The following LTA4H variants were observed in gnomAD, a reference collection of about 807,000 sequenced individuals.
LTA4H encodes leukotriene A-4 hydrolase.
Under a neutral mutation model 89.8 loss-of-function variants are expected in LTA4H, and 59 were observed. That is an observed-to-expected ratio of 0.66 (90% CI 0.53 to 0.82). The LOEUF (loss-of-function observed/expected upper bound fraction) is 0.82. LTA4H is among the 40% of genes least tolerant of loss of function. The probability of loss-of-function intolerance (pLI) is 0.00; values close to 1 mark genes in which losing one functional copy is unlikely to be tolerated. For missense variants in LTA4H, 617 were observed against 727.0 expected (o/e 0.85, Z 1.74); for synonymous variants, 227 against 253.1 (o/e 0.90, Z 0.98).
intron 5 of LTA4H, among the ~76,000 whole-genome samples, 154 bp from the exon 6 acceptor site, chr12:96,021,291 C>T (rs184785272): frequency 2.4e-4 from 37 of 152,266 alleles, no homozygotes; most frequent in Admixed American, 2.2e-3. Context: ...TCAAATAGTT[C>T]TCATCTTTAA....
At chr12:96,017,023 A>G in intron 10 of LTA4H, 21 bp downstream of exon 10, 1 of 1,559,128 alleles carries the variant, frequency 6.4e-7, no homozygotes, top group Non-Finnish European at 8.8e-7. Flanking sequence ...ACCAATAAAG[A>G]AATAATAACA....
At chr12:96,017,445 C>G (rs188781346) in intron 9 of LTA4H, 112 bp downstream of exon 9, 1 of 893,186 alleles carries the variant, frequency 1.1e-6, no homozygotes, top group Admixed American at 2.6e-5. Context: ...AGAAGAGTCC[C>G]CAAATTGTCC....
chr12:96,018,794 G>A lies in LTA4H; in HGVS notation c.821C>T (p.Pro274Leu), dbSNP rs1432010393. The A allele has an allele frequency of 1.9e-6, 3 of 1,592,456 alleles. No homozygotes were observed. Among genetic ancestry groups the A allele is most frequent in the Non-Finnish European group, 2.6e-6 (3 of 1,172,790 alleles). The change falls in exon 8 of 19, where the codon CCT (proline) becomes CTT (leucine). Residue 274 changes from proline to leucine, a missense_variant. By Grantham distance (98) the Pro-to-Leu change is moderately conservative. Coordinates refer to ENST00000228740, the MANE Select transcript of LTA4H (RefSeq NM_000895.3). ...AGTAGGAGTTACAAAAGTAAGGCAA[G>A]GATTCTCCATGCCACCATAAGGGAA... Reference protein sequence around the residue: ...PSFPYGGMENPCLTFVTPTLL... With the variant: ...PSFPYGGMENLCLTFVTPTLL...
At chr12:96,042,554 G>A (rs181011417) in intron 1 of LTA4H, among the ~76,000 whole-genome samples, 1 of 152,240 alleles carries the variant, frequency 6.6e-6, no homozygotes, top group Admixed American at 6.5e-5. Context: ...ATTTACTGAC[G>A]CTCCACAGGA....
Position 96,003,892 on chromosome 12 carries a change from C to T in LTA4H, c.1559G>A (p.Arg520Gln), listed in dbSNP as rs372873763. ...RAPLPLGHIK[R>Q]MQEVYNFNAI... ...ATTGAAGTTGTACACCTCTTGCATT[C>T]GCTTTATGTGCCCCAATGGAAGAGG... Residue 520 changes from arginine to glutamine, a missense_variant, in exon 17 of 19, where the codon CGA (arginine) becomes CAA (glutamine). Arg to Gln is a conservative substitution (Grantham distance 43). Around this residue, in one of 3 missense-constraint regions of LTA4H, gnomAD observed 290 missense variants for 339.1 expected, o/e 0.86. Transcript: ENST00000228740. 10 of 1,608,910 alleles carry T rather than the reference C, an allele frequency of 6.2e-6. No homozygotes were observed. The highest frequency in any genetic ancestry group is 2.2e-5 in the South Asian group (2 of 90,314).
intron 3 of LTA4H, among the ~76,000 whole-genome samples, chr12:96,026,780 T>C (rs1950517955): frequency 1.3e-5 from 2 of 152,258 alleles, no homozygotes; most frequent in South Asian, 4.1e-4. Context: ...GTTCCCTTAA[T>C]TGTAAATTAT....
intron 10 of LTA4H, 98 bp downstream of exon 10, chr12:96,016,946 A>G: frequency 1.2e-6 from 1 of 830,204 alleles, no homozygotes. Flanking sequence ...TAACAAAGAA[A>G]AACAAGAGAT....
chr12:96,014,832 A>G (rs1950352132), intron 12 of LTA4H, 23 bp downstream of exon 12: 1 of 1,580,664 alleles, frequency 6.3e-7, no homozygotes, highest in Non-Finnish European at 8.5e-7. Context: ...GAAAAAAAAA[A>G]TCATAAAATA....
chr12:96,027,075 T>A (rs2136910717), intron 3 of LTA4H, among the ~76,000 whole-genome samples: 1 of 152,332 alleles, frequency 6.6e-6, no homozygotes, highest in Non-Finnish European at 1.5e-5. Flanking sequence ...AATCTTTCAC[T>A]TTCCATTTCT....
At chr12:96,004,014 T>A (rs1950153393) in intron 16 of LTA4H, 94 bp from the exon 17 acceptor site, 3 of 556,732 alleles carry the variant, frequency 5.4e-6, no homozygotes, top group Non-Finnish European at 9.3e-6. Flanking sequence ...ATTAAAATCC[T>A]AAATATTTTA....
At chr12:96,007,503 C>T (rs1950221737) in intron 15 of LTA4H, among the ~76,000 whole-genome samples, 1 of 152,144 alleles carries the variant, frequency 6.6e-6, no homozygotes, top group Non-Finnish European at 1.5e-5. Context: ...ACTTCTTATG[C>T]TAGTGGTGGG....
intron 12 of LTA4H, 74 bp downstream of exon 12, chr12:96,014,781 T>C (rs1396565032): frequency 5.9e-6 from 8 of 1,366,820 alleles, no homozygotes; most frequent in Non-Finnish European, 8.0e-6. Flanking sequence ...AACAAAACAA[T>C]AGTTTACAAT....
chr12:96,013,307 C>CA (rs763022744), intron 13 of LTA4H, 49 bp from the exon 14 acceptor site: 300 of 1,300,256 alleles, frequency 2.3e-4, no homozygotes, highest in Non-Finnish European at 2.7e-4. Context: ...CCTTTCCTGT[C>CA]AAAAAAAAAT....
In LTA4H at chr12:96,006,316, T is replaced by G; in HGVS notation, c.1528A>C (p.Arg510=). 6.2e-7 allele frequency: 1 copy of G among 1,600,016 alleles called. No homozygotes were observed. The highest frequency in any genetic ancestry group is 8.5e-7 in the Non-Finnish European group (1 of 1,169,596). Residue 510 remains arginine (R), a splice_region_variant and synonymous_variant, in exon 16 of 19, where the codon AGG becomes CGG. Transcript: ENST00000228740. ...LNEFLAQTLQ[R]APLPLGHIKR... ...TAAGATTTTGAGCTAGTACTTACCC[T>G]CTGGAGCGTCTGTGCTAAAAACTCA...
intron 1 of LTA4H, among the ~76,000 whole-genome samples, chr12:96,041,594 C>A (rs1264583338): frequency 6.6e-6 from 1 of 151,958 alleles, no homozygotes; most frequent in Admixed American, 6.5e-5. Context: ...TCCCCCTTTA[C>A]ACCAAGTTAA....
Position 96,035,466 on chromosome 12 carries a change from C to A in LTA4H, c.54G>T (p.Arg18=). 6.2e-7 allele frequency: 1 copy of A among 1,609,292 alleles called. No individual in the cohort carries two copies. ...CSLASPASVC[R]TKHLHLRCSV... The stretch of plus-strand genomic sequence containing the variant: ...TGCAGCGCAGGTGCAGGTGCTTGGT[C>A]CGGCAGACGGAAGCCGGAGAGGCCA... Residue 18 remains arginine (R), a synonymous_variant, in exon 1 of 19, where the codon CGG becomes CGT. Transcript: ENST00000228740.
Position 96,022,365 on chromosome 12 carries a change from T to C in LTA4H, c.481-114A>G. On this transcript the variant is annotated intron_variant, in intron 4 of 18. Coordinates refer to ENST00000228740, the MANE Select transcript of LTA4H (RefSeq NM_000895.3). The surrounding 1 kb of genome is among the most constrained non-coding windows in gnomAD (Gnocchi z 4.0). ...TCTTGACTATCTAATAAACAGACTA[T>C]GAACACAAAAAGTATATACATATAC... The C allele has an allele frequency of 1.5e-6, 1 of 663,918 alleles. No homozygotes were observed. Among genetic ancestry groups the C allele is most frequent in the Non-Finnish European group, 2.6e-6 (1 of 386,850 alleles). The allele number at this position is 663,918 out of a possible 1,614,324, so 41.1% of individuals were successfully genotyped here.
intron 6 of LTA4H, among the ~76,000 whole-genome samples, chr12:96,019,623 G>A (rs1188301552): frequency 5.6e-5 from 7 of 124,060 alleles, no homozygotes; most frequent in African/African-American, 1.6e-4. Context: ...ACGGAGTCTC[G>A]CTCTGTCACC....
intron 10 of LTA4H, 35 bp from the exon 11 acceptor site, chr12:96,015,729 CA>C (rs773434168): frequency 7.9e-7 from 1 of 1,266,836 alleles, no homozygotes; most frequent in Non-Finnish European, 1.1e-6. Flanking sequence ...AACACGGACA[CA>C]GCTGAGAAGA....
Sources: allele counts gnomAD v4.1 joint callset (sites outside exome capture counted in the v4.1 genomes callset), GRCh38; gene constraint gnomAD v4.1.1; regional missense constraint gnomAD v4.1.1; non-coding constraint Gnocchi (gnomAD v3.1); transcripts MANE v1.5; gene names NCBI Gene and HGNC (gene_info 2026-07-23, HGNC 2026-07-21).